The following BTBD9 variants were observed in gnomAD, a reference collection of about 807,000 sequenced individuals.
BTBD9 encodes the protein BTB domain containing 9, also known as BTB/POZ domain-containing protein 9.
In BTBD9, 49 loss-of-function variants were observed where a neutral mutation model predicts 64.3. That is an observed-to-expected ratio of 0.76 (90% CI 0.61 to 0.97). The LOEUF is 0.97. BTBD9 is among the 50% of genes least tolerant of loss of function. BTBD9 has a pLI of 0.00. For synonymous variants in BTBD9, 260 were observed against 274.7 expected (o/e 0.95, Z 0.53); for missense variants, 598 against 762.1 (o/e 0.78, Z 2.53).
In BTBD9 at chr6:38,404,480, C is replaced by T. The variant is rs142098185; in HGVS notation, c.1155-59387G>A. Among the ~76,000 whole-genome samples the T allele has an allele frequency of 7.7e-3, 1,167 of 152,152 alleles. 10 individuals are homozygous for T. Among genetic ancestry groups the T allele is most frequent in the African/African-American group, 0.025 (1,039 of 41,498 alleles). ...CCAAAACAGAGGATGCATTCATTAC[C>T]GACAGCACAGCTAGGACAATAGAAG... is the stretch of plus-strand genomic sequence containing the variant. On this transcript the variant is annotated intron_variant, in intron 6 of 10. Coordinates refer to ENST00000481247, the MANE Select transcript of BTBD9 (RefSeq NM_001099272.2).
At chr6:38,246,920 C>T (rs1319351600) in intron 9 of BTBD9, among the ~76,000 whole-genome samples, 2 of 152,170 alleles carry the variant, frequency 1.3e-5, no homozygotes, top group Admixed American at 1.3e-4. Flanking sequence ...AACTATGTCT[C>T]ATCATCATTA....
chr6:38,278,651 G>T (rs113236564), intron 8 of BTBD9, among the ~76,000 whole-genome samples: 1 of 152,312 alleles, frequency 6.6e-6, no homozygotes, highest in African/African-American at 2.4e-5. Flanking sequence ...TCTTCATCTT[G>T]TAAATGAAAA....
intron 8 of BTBD9, among the ~76,000 whole-genome samples, chr6:38,275,186 T>A (rs1765340257): frequency 6.6e-6 from 1 of 152,232 alleles, no homozygotes; most frequent in African/African-American, 2.4e-5. Flanking sequence ...CCCTCAGATA[T>A]AACGCCACAT....
chr6:38,329,380 T>C (rs958457287), intron 7 of BTBD9, among the ~76,000 whole-genome samples: 1 of 150,704 alleles, frequency 6.6e-6, no homozygotes, highest in Non-Finnish European at 1.5e-5. Flanking sequence ...TGGAGTGCAG[T>C]TGCATGATCT....
chr6:38,312,522 A>G (rs545928475), intron 7 of BTBD9, among the ~76,000 whole-genome samples: 1 of 152,168 alleles, frequency 6.6e-6, no homozygotes, highest in South Asian at 2.1e-4. Context: ...TTCTTTTACT[A>G]GCTTTGTAGT....
At chr6:38,287,109 T>TATAC (rs1761764120) in intron 8 of BTBD9, among the ~76,000 whole-genome samples, 1 of 87,000 alleles carries the variant, frequency 1.1e-5, no homozygotes, top group African/African-American at 4.9e-5. Context: ...AAAAAAAATA[T>TATAC]ACACACACAC....
At chr6:38,291,349 C>A (rs1271790144) in intron 7 of BTBD9, among the ~76,000 whole-genome samples, 2 of 152,150 alleles carry the variant, frequency 1.3e-5, no homozygotes, top group African/African-American at 2.4e-5. Flanking sequence ...GATTTTGTAA[C>A]CTGAGACTTT....
At chr6:38,306,051 A>G (rs1369830532) in intron 7 of BTBD9, among the ~76,000 whole-genome samples, 1 of 152,230 alleles carries the variant, frequency 6.6e-6, no homozygotes, top group Non-Finnish European at 1.5e-5. Context: ...ACTGGGAAAA[A>G]TTAGAGAGTG....
chr6:38,639,384 G>C (rs1292695113), intron 1 of BTBD9, among the ~76,000 whole-genome samples: 1 of 152,110 alleles, frequency 6.6e-6, no homozygotes, highest in African/African-American at 2.4e-5. Context: ...GCCAGGGCAG[G>C]GGAGATGAGG....
intron 9 of BTBD9, among the ~76,000 whole-genome samples, chr6:38,230,666 T>A (rs1211961380): frequency 6.6e-6 from 1 of 152,106 alleles, no homozygotes; most frequent in Non-Finnish European, 1.5e-5. Flanking sequence ...CATCCCAACC[T>A]CTGCTTCCTT....
At position 38,505,964 on chromosome 6, in the gene BTBD9, C is replaced by CA. The variant is rs59014161; in HGVS notation, c.1154+71635dup. Among the ~76,000 whole-genome samples, 40 of 82,654 alleles carry CA rather than the reference C, an allele frequency of 4.8e-4. 3 individuals are homozygous for CA. Among genetic ancestry groups the CA allele is most frequent in the African/African-American group, 9.4e-4 (23 of 24,458 alleles). 54.2% of individuals were successfully genotyped at this position (82,654 alleles called of 152,430 possible). A position where few individuals can be genotyped will look rare whatever the true frequency, so the allele number is the denominator to read the frequency against. On this transcript the variant is annotated intron_variant, in intron 6 of 10. Coordinates refer to ENST00000481247, the MANE Select transcript of BTBD9 (RefSeq NM_001099272.2). ...TGGCAACAGCATGGCTCCGTCTCAA[C>CA]AAAAAAAAAAAAAAAAAAAAGGAAC...
intron 1 of BTBD9, among the ~76,000 whole-genome samples, chr6:38,601,362 A>G (rs113437352): frequency 1.3e-5 from 2 of 152,342 alleles, no homozygotes; most frequent in African/African-American, 2.4e-5. Context: ...TGTTTCACCA[A>G]TGGGATAGTT....
intron 6 of BTBD9, among the ~76,000 whole-genome samples, chr6:38,544,927 C>CAAAAAAAAAAAAA (rs58694810): frequency 1.7e-4 from 8 of 48,296 alleles, no homozygotes; most frequent in Non-Finnish European, 2.6e-4. Context: ...AACTACATCT[C>CAAAAAAAAAAAAA]AAAAAAAAAA....
chr6:38,566,963 T>C (rs1174197885), intron 6 of BTBD9, among the ~76,000 whole-genome samples: 1 of 152,204 alleles, frequency 6.6e-6, no homozygotes, highest in African/African-American at 2.4e-5. Context: ...GTCCTTCTAA[T>C]TTTTTTCCTT....
In BTBD9 at chr6:38,442,661, C is replaced by CTTTT. The variant is rs11313452; in HGVS notation, c.1155-97572_1155-97569dup. Among the ~76,000 whole-genome samples, 196 of 57,544 alleles carry CTTTT rather than the reference C, an allele frequency of 3.4e-3. 4 individuals are homozygous for CTTTT. The highest frequency in any genetic ancestry group is 7.5e-3 in the East Asian group (12 of 1,608). 37.8% of individuals were successfully genotyped at this position (57,544 alleles called of 152,430 possible). A position where few individuals can be genotyped will look rare whatever the true frequency, so the allele number is the denominator to read the frequency against. ...CATATAGAACAGACTCATTTGTACTCTTTTTTTTTTTTTTTTTTTTTTTTT... is the reference window on the plus strand; with the variant it reads ...CATATAGAACAGACTCATTTGTACTCTTTTTTTTTTTTTTTTTTTTTTTTTTTTT... On this transcript the variant is annotated intron_variant, in intron 6 of 10. Transcript: ENST00000481247.
intron 8 of BTBD9, among the ~76,000 whole-genome samples, chr6:38,277,149 C>G (rs940570189): frequency 2.6e-5 from 4 of 152,126 alleles, no homozygotes; most frequent in African/African-American, 9.7e-5. Flanking sequence ...CATGAATTAT[C>G]ACTATGCTGG....
intron 6 of BTBD9, among the ~76,000 whole-genome samples, chr6:38,411,688 C>A (rs925780402): frequency 6.6e-6 from 1 of 152,006 alleles, no homozygotes; most frequent in Non-Finnish European, 1.5e-5. Context: ...GTAATCCCAG[C>A]ACTTTCGGAG....
At chr6:38,426,641 G>A (rs987596206) in intron 6 of BTBD9, among the ~76,000 whole-genome samples, 13 of 151,878 alleles carry the variant, frequency 8.6e-5, no homozygotes, top group Non-Finnish European at 1.6e-4. Flanking sequence ...ACTCCCGATT[G>A]GGCTAAAGGC....
In BTBD9 at chr6:38,174,997, C is replaced by A. The variant is rs369501352; in HGVS notation, c.1827G>T (p.Arg609=). The A allele has an allele frequency of 1.7e-4, 275 of 1,613,916 alleles. No individual in the cohort carries two copies. Among genetic ancestry groups the A allele is most frequent in the South Asian group, 5.5e-4 (50 of 91,080 alleles). The change falls in exon 11 of 11, where the codon CGG becomes CGT. Residue 609 remains arginine, a synonymous_variant. Coordinates refer to ENST00000481247, the MANE Select transcript of BTBD9 (RefSeq NM_001099272.2). ...SPGSNSRSPN[R]QHQ is the part of the protein sequence containing the mutation. ...CCCGCTGCCTCCTTTATTGGTGCTG[C>A]CGGTTGGGGGAGCGTGAGTTGGAGC...
Sources: gnomAD v4.1 joint callset for allele counts (sites outside exome capture counted in the v4.1 genomes callset) on GRCh38, gnomAD v4.1.1 for gene constraint, MANE v1.5 for transcripts, NCBI Gene and HGNC (gene_info 2026-07-23, HGNC 2026-07-21) for gene names.